Variants in MAP1LC3B2 observed in about 807,000 individuals in gnomAD.
The protein encoded by MAP1LC3B2 is microtubule-associated protein 1 light chain 3 beta 2.
For missense variants in MAP1LC3B2, 155 were observed against 154.6 expected (o/e 1.00, Z -0.01); for synonymous variants, 62 against 57.8 (o/e 1.07, Z -0.33).
chr12:116,573,800 G>A (rs572580491), intron 1 of MAP1LC3B2, among the ~76,000 whole-genome samples: 19 of 152,130 alleles, frequency 1.2e-4, no homozygotes, highest in Non-Finnish European at 2.5e-4. Context: ...GAGCCACTGC[G>A]CCCAGCTGAT....
At chr12:116,559,950 G>A (rs906904319) in intron 1 of MAP1LC3B2, 1 of 151,692 alleles carries the variant, frequency 6.6e-6, no homozygotes, top group South Asian at 2.1e-4. Context: ...GCCGCTCACC[G>A]GAAACACAGC....
chr12:116,559,776 G>GT (rs1351602544), intron 1 of MAP1LC3B2: 1 of 152,192 alleles, frequency 6.6e-6, no homozygotes, highest in Non-Finnish European at 1.5e-5. Flanking sequence ...GGTCCAAGTA[G>GT]TTTTTTCAAA....
At chr12:116,572,183 G>GTA (rs1869554443) in intron 1 of MAP1LC3B2, among the ~76,000 whole-genome samples, 1 of 152,134 alleles carries the variant, frequency 6.6e-6, no homozygotes, top group African/African-American at 2.4e-5. Flanking sequence ...CCAAAGAGTT[G>GTA]TACCTTCAGC....
intron 1 of MAP1LC3B2, among the ~76,000 whole-genome samples, chr12:116,568,997 T>C (rs1869458823): frequency 6.6e-6 from 1 of 151,712 alleles, no homozygotes; most frequent in Admixed American, 6.6e-5. Context: ...GTACCTGGGA[T>C]TACAGGCACC....
At chr12:116,560,226 A>ATGTATG (rs1566022595) in intron 1 of MAP1LC3B2, 2 of 101,134 alleles carry the variant, frequency 2.0e-5, no homozygotes, top group South Asian at 5.8e-4. Context: ...ATATATATAT[A>ATGTATG]TATATATATA....
chr12:116,563,587 G>A (rs926458055), intron 1 of MAP1LC3B2, among the ~76,000 whole-genome samples: 1 of 152,104 alleles, frequency 6.6e-6, no homozygotes, highest in Non-Finnish European at 1.5e-5. Context: ...GTGCCTTGAT[G>A]TTCTTTTCTT....
chr12:116,574,425 G>A (rs1869617469), intron 1 of MAP1LC3B2, among the ~76,000 whole-genome samples: 1 of 152,050 alleles, frequency 6.6e-6, no homozygotes, highest in Admixed American at 6.6e-5. Flanking sequence ...CAGATCTCTT[G>A]AGCCCAGGAA....
chr12:116,571,947 C>A, intron 1 of MAP1LC3B2, among the ~76,000 whole-genome samples: 1 of 136,084 alleles, frequency 7.3e-6, no homozygotes. Flanking sequence ...TGTTTGTTTT[C>A]TATAGCTATG....
In MAP1LC3B2 at chr12:116,561,150, C is replaced by G. The variant is rs1328065259; in HGVS notation, c.-102+1717C>G. ...AGCTGTGGGGGACAGTGGTGTGTGC[C>G]TGTGGTCCCAGCTACTTGTGAGGCT... On this transcript the variant is annotated intron_variant, in intron 1 of 1. Transcript: ENST00000556529. 6.6e-5 allele frequency among the ~76,000 whole-genome samples: 10 copies of G among 152,020 alleles called. No homozygotes were observed. In the East Asian group the frequency reaches 1.7e-3, roughly 26 times the overall value.
At position 116,575,881 on chromosome 12, in the gene MAP1LC3B2, G is replaced by T. The variant is rs890589835; in HGVS notation, c.-62G>T. On this transcript the variant is annotated 5_prime_UTR_variant, in exon 2 of 2. Coordinates refer to ENST00000556529, the MANE Select transcript of MAP1LC3B2 (RefSeq NM_001085481.3). ...AGTCGGATTCGCTGCCGCAGCAGCC[G>T]CCACCCCCAGGAGCCGCCGGGACCC... 7 of 1,604,280 alleles carry T rather than the reference G, an allele frequency of 4.4e-6. No individual in the cohort carries two copies. The highest frequency in any genetic ancestry group is 6.0e-6 in the Non-Finnish European group (7 of 1,173,394).
intron 1 of MAP1LC3B2, chr12:116,560,210 A>ATATATATATGTATGTATATGTATG (rs1869224120): frequency 2.9e-5 from 2 of 68,928 alleles, no homozygotes; most frequent in Non-Finnish European, 6.2e-5. Flanking sequence ...ATATATATAT[A>ATATATATATGTATGTATATGTATG]TATATATATA....
Position 116,575,849 on chromosome 12 carries a change from C to T in MAP1LC3B2, c.-94C>T. ...GTTATTGTGCAAAAATAGCCTTACACGGCCACAGTCGGATTCGCTGCCGCA... is the reference window on the plus strand; with the variant it reads ...GTTATTGTGCAAAAATAGCCTTACATGGCCACAGTCGGATTCGCTGCCGCA... On this transcript the variant is annotated 5_prime_UTR_variant, in exon 2 of 2. It adds an upstream start codon to the 5' untranslated region. Coordinates refer to ENST00000556529, the MANE Select transcript of MAP1LC3B2 (RefSeq NM_001085481.3). 13 of 1,475,560 alleles carry T rather than the reference C, an allele frequency of 8.8e-6. No homozygotes were observed. The South Asian group carries it at 1.5e-4, about 17-fold the overall frequency. 91.4% of individuals were successfully genotyped at this position (1,475,560 alleles called of 1,614,324 possible).
chr12:116,564,832 G>T (rs914072220), intron 1 of MAP1LC3B2, among the ~76,000 whole-genome samples: 2 of 152,128 alleles, frequency 1.3e-5, no homozygotes, highest in African/African-American at 4.8e-5. Context: ...CTCTGCATGG[G>T]ATCCTCCTCC....
intron 1 of MAP1LC3B2, among the ~76,000 whole-genome samples, chr12:116,562,441 G>C (rs1869295237): frequency 6.6e-6 from 1 of 152,206 alleles, no homozygotes; most frequent in Admixed American, 6.5e-5. Flanking sequence ...CCTATTTTAT[G>C]AGAAGAAACT....
intron 1 of MAP1LC3B2, among the ~76,000 whole-genome samples, chr12:116,565,995 C>T (rs1316890766): frequency 2.0e-5 from 3 of 152,238 alleles, no homozygotes; most frequent in Admixed American, 6.5e-5. Context: ...TTTCCCCTGA[C>T]ATCTCTGCCT....
rs773841501 is a variant in MAP1LC3B2, at chr12:116,575,970, C to G, written c.28C>G (p.Arg10Gly). The G allele has an allele frequency of 3.7e-6, 6 of 1,614,192 alleles. No homozygotes were observed. Among genetic ancestry groups the G allele is most frequent in the Non-Finnish European group, 5.1e-6 (6 of 1,180,054 alleles). The change falls in exon 2 of 2, where the codon CGG becomes GGG. Residue 10 changes from arginine (R) to glycine (G), a missense_variant. Arg to Gly is a moderately radical substitution (Grantham distance 125). Transcript: ENST00000556529. MPSEKTFKQ[R>G]RTFEQRVEDV... ...GCCGTCGGAGAAGACCTTCAAGCAG[C>G]GGCGCACCTTCGAACAAAGAGTAGA... is the stretch of plus-strand genomic sequence containing the variant.
chr12:116,570,648 T>C (rs1315050972), intron 1 of MAP1LC3B2, among the ~76,000 whole-genome samples: 2 of 152,202 alleles, frequency 1.3e-5, no homozygotes, highest in South Asian at 2.1e-4. Context: ...TCTTGCCTGC[T>C]GCCATGTAAG....
At position 116,575,886 on chromosome 12, in the gene MAP1LC3B2, C is replaced by G. The variant is rs758251837; in HGVS notation, c.-57C>G. The G allele has an allele frequency of 1.5e-5, 24 of 1,609,164 alleles. No individual in the cohort carries two copies. The highest frequency in any genetic ancestry group is 2.0e-5 in the Non-Finnish European group (24 of 1,176,770). ...GATTCGCTGCCGCAGCAGCCGCCAC[C>G]CCCAGGAGCCGCCGGGACCCTCGCG... On this transcript the variant is annotated 5_prime_UTR_variant, in exon 2 of 2. Coordinates refer to ENST00000556529, the MANE Select transcript of MAP1LC3B2 (RefSeq NM_001085481.3).
intron 1 of MAP1LC3B2, among the ~76,000 whole-genome samples, chr12:116,570,820 A>G (rs1156452875): frequency 6.6e-6 from 1 of 152,238 alleles, no homozygotes; most frequent in Non-Finnish European, 1.5e-5. Context: ...GGTGAATTAA[A>G]TGCATTTTCA....
Sources: allele counts gnomAD v4.1 joint callset (sites outside exome capture counted in the v4.1 genomes callset), GRCh38; gene constraint gnomAD v4.1.1; transcripts MANE v1.5; gene names NCBI Gene and HGNC (gene_info 2026-07-23, HGNC 2026-07-21).